The following OSBPL10 variants were observed in gnomAD, a reference collection of about 807,000 sequenced individuals.
The protein encoded by OSBPL10 is oxysterol binding protein like 10.
A neutral mutation model predicts 81.7 loss-of-function variants in OSBPL10; 49 were observed. That is an observed-to-expected ratio of 0.60 (90% CI 0.48 to 0.76). The LOEUF is 0.76. Among genes scored for constraint, OSBPL10 ranks in the 30% least tolerant of loss-of-function variants. The pLI is 0.00. For synonymous variants in OSBPL10, 419 were observed against 383.6 expected (o/e 1.09, Z -1.08); for missense variants, 923 against 987.8 (o/e 0.93, Z 0.88).
intron 3 of OSBPL10, among the ~76,000 whole-genome samples, chr3:31,857,158 A>C (rs576360475): frequency 1.1e-4 from 17 of 152,266 alleles, no homozygotes; most frequent in African/African-American, 3.9e-4. Flanking sequence ...TACAGAACCC[A>C]AGACAGGAGC....
At chr3:32,022,267 A>G (rs1211986885) in intron 2 of OSBPL10, among the ~76,000 whole-genome samples, 1 of 152,208 alleles carries the variant, frequency 6.6e-6, no homozygotes. Context: ...GATTTGCAGC[A>G]AGAGAAAGTG....
At chr3:31,821,971 G>A (rs1219532559) in intron 4 of OSBPL10, among the ~76,000 whole-genome samples, 1 of 152,232 alleles carries the variant, frequency 6.6e-6, no homozygotes, top group Non-Finnish European at 1.5e-5. Flanking sequence ...CCTGAAAGGA[G>A]AGAATACTGA....
intron 4 of OSBPL10, among the ~76,000 whole-genome samples, chr3:31,789,265 T>C (rs1199727714): frequency 1.3e-5 from 2 of 152,192 alleles, no homozygotes; most frequent in African/African-American, 4.8e-5. Context: ...AATATTTTCT[T>C]CCATATCCTG....
At chr3:31,961,951 C>CT (rs1272707501) in intron 1 of OSBPL10, among the ~76,000 whole-genome samples, 4 of 139,602 alleles carry the variant, frequency 2.9e-5, no homozygotes, top group African/African-American at 1.1e-4. Flanking sequence ...GGGAGGGTTG[C>CT]TTTTTTTTAT....
intron 4 of OSBPL10, among the ~76,000 whole-genome samples, chr3:31,791,128 A>C (rs1157229901): frequency 6.6e-6 from 1 of 152,200 alleles, no homozygotes; most frequent in African/African-American, 2.4e-5. Context: ...AAAACAAAAC[A>C]TTTTTTGTTT....
At chr3:31,961,995 C>T (rs1698181075) in intron 1 of OSBPL10, among the ~76,000 whole-genome samples, 1 of 151,384 alleles carries the variant, frequency 6.6e-6, no homozygotes, top group African/African-American at 2.4e-5. Context: ...CGCTCTGTCG[C>T]CCAGGCTGGA....
At chr3:31,937,057 G>A (rs934745042) in intron 1 of OSBPL10, among the ~76,000 whole-genome samples, 1 of 152,206 alleles carries the variant, frequency 6.6e-6, no homozygotes, top group Non-Finnish European at 1.5e-5. Flanking sequence ...GGTTGAGGCA[G>A]GCAGATCACA....
At position 31,748,021 on chromosome 3, in the gene OSBPL10, G is replaced by C. The variant is rs766427581; in HGVS notation, c.829C>G (p.Leu277Val). The change falls in exon 5 of 12, where the codon CTC becomes GTC. Residue 277 changes from leucine (L) to valine (V), a missense_variant. Physicochemically the swap from Leu to Val is conservative, Grantham distance 32. Transcript: ENST00000396556. Reference sequence around the variant, plus strand: ...GTGGCAGCAGAGGTAGCTTTCAGGAGCAGCAGGTCCTGGTCCAAGGCAGTG... The same window carrying C: ...GTGGCAGCAGAGGTAGCTTTCAGGACCAGCAGGTCCTGGTCCAAGGCAGTG... Reference protein sequence around the residue: ...PLTALDQDLLLLKATSAATLS... With the variant: ...PLTALDQDLLVLKATSAATLS... 1.2e-6 allele frequency: 2 copies of C among 1,614,188 alleles called. No individual in the cohort carries two copies. The highest frequency in any genetic ancestry group is 1.7e-6 in the Non-Finnish European group (2 of 1,180,030).
chr3:31,759,572 T>C (rs1157674672), intron 4 of OSBPL10, among the ~76,000 whole-genome samples: 1 of 152,166 alleles, frequency 6.6e-6, no homozygotes, highest in East Asian at 1.9e-4. Flanking sequence ...AATTTTTATG[T>C]ATATATATGG....
rs1221191923 is a variant in OSBPL10 at position 32,069,533 on chromosome 3, CA to C, written n.185+7862del. The stretch of plus-strand genomic sequence containing the variant: ...CCAGCCCAGTTCATGGCCCGCTTAA[CA>C]GCAACCCTTAGACGCTTTACCGCCC... On this transcript the variant is annotated intron_variant and non_coding_transcript_variant, in intron 1 of 3. Coordinates refer to the OSBPL10 transcript ENST00000479173. 9.8e-5 allele frequency among the ~76,000 whole-genome samples: 15 copies of C among 152,326 alleles called. No individual in the cohort carries two copies. The South Asian group carries it at 2.9e-3, about 29-fold the overall frequency.
At chr3:31,996,604 T>C (rs1008895652) in intron 2 of OSBPL10, among the ~76,000 whole-genome samples, 4 of 152,190 alleles carry the variant, frequency 2.6e-5, no homozygotes, top group Non-Finnish European at 5.9e-5. Flanking sequence ...AAATCTCTAA[T>C]ACATCTCTGT....
Position 32,060,919 on chromosome 3 carries a change from G to C in OSBPL10, n.186-14316C>G, listed in dbSNP as rs1699750873. Among the ~76,000 whole-genome samples, 2 of 78,824 alleles carry C rather than the reference G, an allele frequency of 2.5e-5. 1 individual carries two copies. The highest frequency in any genetic ancestry group is 6.7e-5 in the Non-Finnish European group (2 of 29,756). 51.7% of individuals were successfully genotyped at this position (78,824 alleles called of 152,430 possible). On this transcript the variant is annotated intron_variant and non_coding_transcript_variant, in intron 1 of 3. Coordinates refer to the OSBPL10 transcript ENST00000479173. Reference sequence around the variant, plus strand: ...ACCTGGGAGGCGGAGGTTTCGGTGAGCCGAGATCACACCATTGCACTCCAG... The same window carrying C: ...ACCTGGGAGGCGGAGGTTTCGGTGACCCGAGATCACACCATTGCACTCCAG...
At chr3:31,984,124 G>A (rs1448624980), upstream of OSBPL10, among the ~76,000 whole-genome samples, 1 of 152,064 alleles carries the variant, frequency 6.6e-6, no homozygotes, top group East Asian at 1.9e-4. Context: ...TGCAAGCCCT[G>A]CCTCCCGGGT....
Position 31,906,111 on chromosome 3 carries a change from T to C in OSBPL10, c.282-26281A>G, listed in dbSNP as rs193144002. On this transcript the variant is annotated intron_variant, in intron 1 of 11. Transcript: ENST00000396556. The stretch of plus-strand genomic sequence containing the variant: ...CAGTTGGCTCTGCTGCCATTTCAAT[T>C]TGCCAAGCAAGAACAAACAAAGCAA... Among the ~76,000 whole-genome samples, 635 of 152,254 alleles carry C rather than the reference T, an allele frequency of 4.2e-3. 8 individuals carry two copies. The highest frequency in any genetic ancestry group is 3.3e-3 in the Non-Finnish European group (223 of 68,030).
chr3:31,766,090 A>G (rs1274683659), intron 4 of OSBPL10, among the ~76,000 whole-genome samples: 2 of 152,144 alleles, frequency 1.3e-5, no homozygotes, highest in African/African-American at 2.4e-5. Flanking sequence ...AAAGCCCAGC[A>G]GAGCCGCTGG....
intron 4 of OSBPL10, among the ~76,000 whole-genome samples, chr3:31,783,666 C>T (rs1698761851): frequency 6.7e-6 from 1 of 149,564 alleles, no homozygotes; most frequent in Non-Finnish European, 1.5e-5. Context: ...TGACAGGCAC[C>T]TGTAATCCCA....
At chr3:32,071,680 A>G (rs1699830099) in intron 1 of OSBPL10, among the ~76,000 whole-genome samples, 1 of 152,246 alleles carries the variant, frequency 6.6e-6, no homozygotes, top group Admixed American at 6.5e-5. Flanking sequence ...AGTTCTCATA[A>G]CTTCCAAAAT....
intron 10 of OSBPL10, among the ~76,000 whole-genome samples, chr3:31,666,832 C>G (rs1700202958): frequency 6.6e-6 from 1 of 151,474 alleles, no homozygotes; most frequent in Admixed American, 6.6e-5. Flanking sequence ...AATGTATTCT[C>G]TCTCTGAAAA....
intron 5 of OSBPL10, among the ~76,000 whole-genome samples, chr3:31,738,543 G>C (rs753466477): frequency 1.3e-5 from 2 of 152,178 alleles, no homozygotes; most frequent in Non-Finnish European, 1.5e-5. Flanking sequence ...TCTTTCCCCG[G>C]TAAGAATGGC....
Sources: gnomAD v4.1 joint callset for allele counts (sites outside exome capture counted in the v4.1 genomes callset) on GRCh38, gnomAD v4.1.1 for gene constraint, MANE v1.5 for transcripts, NCBI Gene and HGNC (gene_info 2026-07-23, HGNC 2026-07-21) for gene names.